The following ATP8B4 variants were observed in gnomAD, a reference collection of about 807,000 sequenced individuals.
The protein encoded by ATP8B4 is probable phospholipid-transporting ATPase IM.
ATP8B4 carries 133 observed loss-of-function variants against 145.6 expected under a neutral mutation model. The ratio of observed to expected loss-of-function variants is 0.91; its 90% CI spans 0.79 to 1.05. The LOEUF is 1.05. Among genes scored for constraint, ATP8B4 ranks in the 50% least tolerant of loss-of-function variants. The probability of loss-of-function intolerance (pLI) is 0.00; values close to 1 mark genes in which losing one functional copy is unlikely to be tolerated. For synonymous variants in ATP8B4, 507 were observed against 492.9 expected, an observed-to-expected ratio of 1.03 and a Z score of -0.38; for missense variants, 1,458 against 1,425.2, an observed-to-expected ratio of 1.02 and a Z score of -0.37.
At chr15:50,143,427 T>A (rs1185990218) in intron 1 of ATP8B4, among the ~76,000 whole-genome samples, 1 of 152,202 alleles carries the variant, frequency 6.6e-6, no homozygotes, top group African/African-American at 2.4e-5. Flanking sequence ...TCCAAGTAGA[T>A]CTCTCCATAA....
rs576318086 is a variant in ATP8B4, at chr15:50,101,506, A to G, written c.28+5433T>C. Reference sequence around the variant, plus strand: ...TAAAAAAGACAAAGAGGGAAATTATATAATGATAAAAGGACTAGTCCAAAA... The same window carrying G: ...TAAAAAAGACAAAGAGGGAAATTATGTAATGATAAAAGGACTAGTCCAAAA... On this transcript the variant is annotated intron_variant, in intron 2 of 27. Coordinates refer to ENST00000284509, the MANE Select transcript of ATP8B4 (RefSeq NM_024837.4). 6.6e-5 allele frequency among the ~76,000 whole-genome samples: 10 copies of G among 152,270 alleles called. No homozygotes were observed. The East Asian group carries it at 1.9e-3, about 29-fold the overall frequency.
intron 2 of ATP8B4, among the ~76,000 whole-genome samples, chr15:50,090,434 G>A (rs918902189): frequency 6.6e-6 from 1 of 152,126 alleles, no homozygotes; most frequent in African/African-American, 2.4e-5. Flanking sequence ...GAGGTGATTA[G>A]GTCATGAAGG....
intron 17 of ATP8B4, among the ~76,000 whole-genome samples, chr15:49,921,796 G>A (rs941805227): frequency 6.6e-6 from 1 of 152,176 alleles, no homozygotes; most frequent in African/African-American, 2.4e-5. Context: ...TTCTATAGTA[G>A]GCAGTTGGTA....
chr15:49,981,196 T>A lies in ATP8B4; in HGVS notation c.837+10A>T, dbSNP rs1437989400. Reference sequence around the variant, plus strand: ...AATGACTAGTGATATTGCCTAGTTTTGTAACTTACCCATAGTACTAGAGTA... The same window carrying A: ...AATGACTAGTGATATTGCCTAGTTTAGTAACTTACCCATAGTACTAGAGTA... On this transcript the variant is annotated intron_variant, in intron 11 of 27. Coordinates refer to ENST00000284509, the MANE Select transcript of ATP8B4 (RefSeq NM_024837.4). 2 of 1,561,470 alleles carry A rather than the reference T, an allele frequency of 1.3e-6. No homozygotes were observed. Among genetic ancestry groups the A allele is most frequent in the Non-Finnish European group, 1.8e-6 (2 of 1,138,254 alleles).
At position 49,916,920 on chromosome 15, in the gene ATP8B4, C is replaced by T; in HGVS notation, c.2141+14G>A. ...CTCGTCCTTCCATCCTTTCCTCCTT[C>T]CTTCAACACCTACCTGAGTTCTTCT... On this transcript the variant is annotated intron_variant, in intron 20 of 27. Transcript: ENST00000284509. 6.2e-7 allele frequency: 1 copy of T among 1,608,608 alleles called. No homozygotes were observed. The highest frequency in any genetic ancestry group is 8.5e-7 in the Non-Finnish European group (1 of 1,175,924).
intron 16 of ATP8B4, among the ~76,000 whole-genome samples, chr15:49,924,986 T>C (rs1216076685): frequency 6.6e-6 from 1 of 152,198 alleles, no homozygotes; most frequent in African/African-American, 2.4e-5. Context: ...AAACGATGAA[T>C]AACCTACATT....
chr15:50,026,369 C>T (rs1364210717), intron 6 of ATP8B4, among the ~76,000 whole-genome samples: 1 of 152,100 alleles, frequency 6.6e-6, no homozygotes, highest in Non-Finnish European at 1.5e-5. Context: ...AAAATAGAGT[C>T]CTCAGTCCCA....
intron 6 of ATP8B4, among the ~76,000 whole-genome samples, chr15:50,019,730 G>T (rs2049381644): frequency 6.6e-6 from 1 of 152,142 alleles, no homozygotes; most frequent in Admixed American, 6.5e-5. Flanking sequence ...CCAATGATCA[G>T]TTCTCAGTCT....
intron 1 of ATP8B4, among the ~76,000 whole-genome samples, chr15:50,161,112 T>A (rs1216979741): frequency 1.3e-5 from 2 of 152,138 alleles, no homozygotes; most frequent in African/African-American, 4.8e-5. Flanking sequence ...GATCCCTTTA[T>A]CTTTATATAG....
In ATP8B4 at chr15:49,923,376, T is replaced by C. The variant is rs775020382; in HGVS notation, c.1758+3A>G. On this transcript the variant is annotated splice_donor_region_variant and intron_variant, in intron 17 of 27. Transcript: ENST00000284509. ...GTGCTAACCTTAAGACGGAGGCACT[T>C]ACACTGAGGTGGTCTGACGTCAAAG... 1.9e-6 allele frequency: 3 copies of C among 1,599,510 alleles called. No individual in the cohort carries two copies. In the South Asian group the frequency reaches 3.3e-5, roughly 18 times the overall value.
chr15:50,079,390 C>T (rs2054398620), intron 2 of ATP8B4, among the ~76,000 whole-genome samples: 1 of 152,160 alleles, frequency 6.6e-6, no homozygotes, highest in African/African-American at 2.4e-5. Flanking sequence ...CACACCTGAT[C>T]CAGGTGTGCC....
At chr15:49,916,745 A>G (rs1039472005) in intron 20 of ATP8B4, among the ~76,000 whole-genome samples, 189 bp downstream of exon 20, 3 of 152,224 alleles carry the variant, frequency 2.0e-5, no homozygotes, top group African/African-American at 7.2e-5. Flanking sequence ...ATAATTCATT[A>G]CTGATATCAG....
At chr15:49,967,915 C>T (rs1014161805) in intron 13 of ATP8B4, among the ~76,000 whole-genome samples, 2 of 152,236 alleles carry the variant, frequency 1.3e-5, no homozygotes, top group Admixed American at 6.5e-5. Context: ...ATCAGACTAA[C>T]AGTGGATCTC....
At chr15:50,045,956 A>G (rs1257832879) in intron 4 of ATP8B4, among the ~76,000 whole-genome samples, 1 of 152,264 alleles carries the variant, frequency 6.6e-6, no homozygotes, top group Non-Finnish European at 1.5e-5. Context: ...GCTTTCTTCA[A>G]CAAATAGTAA....
intron 2 of ATP8B4, among the ~76,000 whole-genome samples, chr15:50,096,254 T>C (rs1048674510): frequency 3.9e-5 from 6 of 152,036 alleles, no homozygotes; most frequent in Non-Finnish European, 5.9e-5. Context: ...GTGGAGAGAA[T>C]AGCCGCTCTC....
At chr15:50,061,779 GTC>G (rs1436328637) in intron 3 of ATP8B4, among the ~76,000 whole-genome samples, 2 of 152,224 alleles carry the variant, frequency 1.3e-5, no homozygotes, top group African/African-American at 4.8e-5. Flanking sequence ...TTCAAGCCAA[GTC>G]AGGTCATTTT....
At chr15:50,012,243 C>G (rs996297540) in intron 6 of ATP8B4, among the ~76,000 whole-genome samples, 1 of 152,116 alleles carries the variant, frequency 6.6e-6, no homozygotes, top group African/African-American at 2.4e-5. Flanking sequence ...TCCTCTGGCA[C>G]CTTAGTGACA....
At chr15:49,862,897 C>T (rs1042739045) in intron 26 of ATP8B4, among the ~76,000 whole-genome samples, 1 of 152,166 alleles carries the variant, frequency 6.6e-6, no homozygotes, top group South Asian at 2.1e-4. Flanking sequence ...ATTCTCTCAC[C>T]CAGGCTCAGT....
chr15:50,060,919 G>A (rs1053858424), intron 3 of ATP8B4, among the ~76,000 whole-genome samples: 1 of 152,140 alleles, frequency 6.6e-6, no homozygotes, highest in African/African-American at 2.4e-5. Flanking sequence ...AAATTGCTGT[G>A]ATATAGGAAA....
Sources: allele counts gnomAD v4.1 joint callset (sites outside exome capture counted in the v4.1 genomes callset), GRCh38; gene constraint gnomAD v4.1.1; transcripts MANE v1.5; gene names NCBI Gene and HGNC (gene_info 2026-07-23, HGNC 2026-07-21).